The following NEDD4L variants were observed in gnomAD, a reference collection of about 807,000 sequenced individuals.
NEDD4L encodes the protein NEDD4 like E3 ubiquitin protein ligase.
NEDD4L carries 54 observed loss-of-function variants against 148.9 expected under a neutral mutation model. That is an observed-to-expected ratio of 0.36 (90% CI 0.29 to 0.45). The LOEUF is 0.45. Ranked by LOEUF, NEDD4L falls within the 20% of genes least tolerant of loss-of-function variation. The pLI, the probability that NEDD4L is intolerant of heterozygous loss-of-function variation, is 1.00. For missense variants in NEDD4L, 856 were observed against 1,233.8 expected (o/e 0.69, Z 4.59); for synonymous variants, 433 against 440.7 (o/e 0.98, Z 0.22).
chr18:58,112,269 C>T (rs368752133), intron 1 of NEDD4L, among the ~76,000 whole-genome samples: 8 of 152,272 alleles, frequency 5.3e-5, no homozygotes, highest in African/African-American at 1.9e-4. Context: ...AACTTTCAAG[C>T]TTAAACTGAA....
Position 58,195,214 on chromosome 18 carries a change from T to C in NEDD4L, c.122+29353T>C, listed in dbSNP as rs528175543. 2.6e-4 allele frequency among the ~76,000 whole-genome samples: 39 copies of C among 152,358 alleles called. 1 individual carries two copies. In the Middle Eastern group the frequency reaches 0.014, roughly 53 times the overall value. On this transcript the variant is annotated intron_variant, in intron 2 of 30. Coordinates refer to ENST00000400345, the MANE Select transcript of NEDD4L (RefSeq NM_001144967.3). ...GGATCCCTGAGGCTCCAGGGTCACC[T>C]GGGCCAAGCCAGGTATACACACGTC...
intron 5 of NEDD4L, among the ~76,000 whole-genome samples, chr18:58,276,871 T>C (rs148844477): frequency 6.6e-6 from 1 of 152,284 alleles, no homozygotes; most frequent in Non-Finnish European, 1.5e-5. Flanking sequence ...GTTGCTGGAA[T>C]GCCTATGTCC....
intron 9 of NEDD4L, among the ~76,000 whole-genome samples, chr18:58,325,512 C>CTG (rs1436889351): frequency 6.6e-6 from 1 of 152,204 alleles, no homozygotes; most frequent in Non-Finnish European, 1.5e-5. Context: ...TCTCTCCCAA[C>CTG]TGACCCAGAA....
intron 1 of NEDD4L, among the ~76,000 whole-genome samples, chr18:58,059,433 A>C (rs558130094): frequency 6.6e-6 from 1 of 152,302 alleles, no homozygotes; most frequent in Non-Finnish European, 1.5e-5. Context: ...AAGGTGTTGA[A>C]ACTGCCACTG....
At chr18:58,292,005 C>A (rs1568597452) in intron 5 of NEDD4L, among the ~76,000 whole-genome samples, 1 of 152,136 alleles carries the variant, frequency 6.6e-6, no homozygotes. Context: ...TACCTGTAAC[C>A]CTGTAGGAAA....
intron 1 of NEDD4L, among the ~76,000 whole-genome samples, chr18:58,075,089 C>G (rs748120560): frequency 3.9e-5 from 6 of 152,174 alleles, no homozygotes; most frequent in Non-Finnish European, 7.3e-5. Context: ...TGGGAGGGAG[C>G]ATGCTTTGAA....
At chr18:58,272,271 A>G (rs1038712656) in intron 5 of NEDD4L, among the ~76,000 whole-genome samples, 1 of 152,196 alleles carries the variant, frequency 6.6e-6, no homozygotes, top group East Asian at 1.9e-4. Context: ...AATACAAATG[A>G]ATATTTATTT....
chr18:58,280,348 T>C (rs964835231), intron 5 of NEDD4L, among the ~76,000 whole-genome samples: 1 of 152,224 alleles, frequency 6.6e-6, no homozygotes, highest in Non-Finnish European at 1.5e-5. Flanking sequence ...TCCGTGCCAC[T>C]GTCCATCTGT....
chr18:58,147,583 A>T (rs2034230087), intron 1 of NEDD4L, among the ~76,000 whole-genome samples: 1 of 152,170 alleles, frequency 6.6e-6, no homozygotes, highest in Admixed American at 6.5e-5. Flanking sequence ...CACTGCTCTA[A>T]ATGTGCTCAG....
At chr18:58,133,662 G>A (rs2032467126) in intron 1 of NEDD4L, among the ~76,000 whole-genome samples, 1 of 152,102 alleles carries the variant, frequency 6.6e-6, no homozygotes, top group African/African-American at 2.4e-5. Context: ...ATGCTTGCTA[G>A]ACTGGCTTAT....
chr18:58,073,010 A>G (rs2082965210), intron 1 of NEDD4L, among the ~76,000 whole-genome samples: 1 of 152,236 alleles, frequency 6.6e-6, no homozygotes, highest in East Asian at 1.9e-4. Context: ...TAGTATCAAA[A>G]AGAATAAAAT....
At chr18:58,056,612 A>G (rs4383236) in intron 1 of NEDD4L, among the ~76,000 whole-genome samples, 113,665 of 151,834 alleles carry the variant, frequency 0.75, 42,995 homozygotes, top group East Asian at 0.98. Context: ...AGACAGTCTC[A>G]CTCTGTAGCC....
chr18:58,329,658 ATTTTTTTT>A (rs1034872422), intron 10 of NEDD4L, among the ~76,000 whole-genome samples: 3 of 135,574 alleles, frequency 2.2e-5, no homozygotes, highest in African/African-American at 8.1e-5. Flanking sequence ...ACAATGGCTA[ATTTTTTTT>A]TTTTTTTTTT....
At chr18:58,243,039 C>T (rs1369704461) in intron 2 of NEDD4L, among the ~76,000 whole-genome samples, 2 of 152,232 alleles carry the variant, frequency 1.3e-5, no homozygotes, top group Non-Finnish European at 2.9e-5. Context: ...ATCCCACCCA[C>T]AGTCCCCAGC....
At position 58,081,935 on chromosome 18, in the gene NEDD4L, T is replaced by C. The variant is rs530981812; in HGVS notation, c.48+37227T>C. Among the ~76,000 whole-genome samples the C allele has an allele frequency of 4.6e-5, 7 of 151,878 alleles. 1 individual carries two copies. The South Asian group carries it at 1.3e-3, about 27-fold the overall frequency. ...ACTACCTAATCTAATAATCTCTCAT[T>C]GTGTGTGATAGGGCTATTTATTGTA... On this transcript the variant is annotated intron_variant, in intron 1 of 30. Transcript: ENST00000400345.
At chr18:58,114,052 C>T (rs1227360390) in intron 1 of NEDD4L, among the ~76,000 whole-genome samples, 2 of 152,156 alleles carry the variant, frequency 1.3e-5, no homozygotes, top group Non-Finnish European at 2.9e-5. Context: ...GAGAGATCTC[C>T]TTTAATGTTT....
At chr18:58,118,583 T>G (rs924557317) in intron 1 of NEDD4L, among the ~76,000 whole-genome samples, 3 of 152,224 alleles carry the variant, frequency 2.0e-5, no homozygotes, top group Non-Finnish European at 2.9e-5. Context: ...TCATCCTCCC[T>G]TTTCTTCTTT....
chr18:58,257,037 C>T (rs60931326), intron 5 of NEDD4L, among the ~76,000 whole-genome samples: 4,451 of 152,158 alleles, frequency 0.029, 226 homozygotes, highest in African/African-American at 0.098. Context: ...AATACCTTCC[C>T]CCTGCTTTTA....
intron 2 of NEDD4L, among the ~76,000 whole-genome samples, chr18:58,201,726 C>G (rs1272295032): frequency 6.6e-6 from 1 of 152,202 alleles, no homozygotes. Flanking sequence ...ATTATCCCTC[C>G]TCCATTGCCC....
Sources: allele counts gnomAD v4.1 joint callset (sites outside exome capture counted in the v4.1 genomes callset), GRCh38; gene constraint gnomAD v4.1.1; transcripts MANE v1.5; gene names NCBI Gene and HGNC (gene_info 2026-07-23, HGNC 2026-07-21).